Variants in DENND2B observed in about 807,000 individuals in gnomAD.
The protein encoded by DENND2B is DENN domain-containing protein 2B.
Under a neutral mutation model 116.0 loss-of-function variants are expected in DENND2B, and 32 were observed. That is an observed-to-expected ratio of 0.28 (90% CI 0.21 to 0.37). DENND2B has a LOEUF of 0.37. Among genes scored for constraint, DENND2B ranks in the 10% least tolerant of loss-of-function variants. The pLI, the probability that DENND2B is intolerant of heterozygous loss-of-function variation, is 1.00. For missense variants in DENND2B, 1,276 were observed against 1,477.7 expected, an observed-to-expected ratio of 0.86 and a Z score of 2.24; for synonymous variants, 588 against 583.9, an observed-to-expected ratio of 1.01 and a Z score of -0.10.
At chr11:8,699,666 C>A (rs752338958) in intron 14 of DENND2B, among the ~76,000 whole-genome samples, 12 of 152,278 alleles carry the variant, frequency 7.9e-5, no homozygotes, top group Middle Eastern at 3.4e-3. Context: ...TGGAAAAGGG[C>A]TGTCTCGGGT....
intron 1 of DENND2B, among the ~76,000 whole-genome samples, chr11:8,751,249 G>A (rs2052407671): frequency 6.6e-6 from 1 of 152,100 alleles, no homozygotes. Flanking sequence ...TTTCTGTCTA[G>A]CTCAGGGTTT....
At chr11:8,742,892 CT>C (rs1234463744) in intron 2 of DENND2B, among the ~76,000 whole-genome samples, 1 of 151,986 alleles carries the variant, frequency 6.6e-6, no homozygotes, top group Non-Finnish European at 1.5e-5. Context: ...TGGAGAAACC[CT>C]GTCTCTACTA....
At chr11:8,695,633 A>C in intron 18 of DENND2B, 84 bp from the exon 19 acceptor site, 1 of 1,156,760 alleles carries the variant, frequency 8.6e-7, no homozygotes, top group Admixed American at 2.0e-5. Flanking sequence ...ACCATGGAGC[A>C]CAGATGCCAA....
intron 2 of DENND2B, among the ~76,000 whole-genome samples, chr11:8,870,467 CTTTG>C (rs953639301): frequency 3.9e-5 from 6 of 151,914 alleles, no homozygotes; most frequent in East Asian, 1.9e-4. Context: ...GTTAATTTTC[CTTTG>C]TTTGAGTTCC....
chr11:8,734,640 T>A (rs746221298), intron 2 of DENND2B, among the ~76,000 whole-genome samples: 7 of 151,636 alleles, frequency 4.6e-5, no homozygotes, highest in Admixed American at 6.6e-5. Context: ...ATAACAAAAA[T>A]TAGCTGGGCG....
intron 4 of DENND2B, among the ~76,000 whole-genome samples, chr11:8,830,126 A>G (rs2062145723): frequency 6.6e-6 from 1 of 152,132 alleles, no homozygotes; most frequent in Admixed American, 6.5e-5. Context: ...TCATCGATCT[A>G]CAGGAGAGAT....
chr11:8,869,855 G>T (rs2063716139), intron 2 of DENND2B, among the ~76,000 whole-genome samples: 1 of 151,954 alleles, frequency 6.6e-6, no homozygotes, highest in African/African-American at 2.4e-5. Flanking sequence ...GATAGGCTGT[G>T]AACAATTCAG....
At chr11:8,903,149 C>T (rs1176666259) in intron 1 of DENND2B, among the ~76,000 whole-genome samples, 1 of 152,210 alleles carries the variant, frequency 6.6e-6, no homozygotes, top group East Asian at 1.9e-4. Context: ...TGAGCCACCA[C>T]ACCTGGCCAT....
intron 3 of DENND2B, among the ~76,000 whole-genome samples, chr11:8,856,800 C>CTAGA (rs927204484): frequency 2.0e-5 from 3 of 150,912 alleles, no homozygotes; most frequent in Non-Finnish European, 2.9e-5. Flanking sequence ...GTCACCCAGG[C>CTAGA]TAGAGTGCAG....
chr11:8,844,115 A>G (rs927405576), intron 3 of DENND2B, among the ~76,000 whole-genome samples: 1 of 152,224 alleles, frequency 6.6e-6, no homozygotes, highest in African/African-American at 2.4e-5. Context: ...ATAAATATTT[A>G]CAGGCCTGGC....
chr11:8,815,186 C>T (rs1015002989), upstream of DENND2B, among the ~76,000 whole-genome samples: 4 of 152,042 alleles, frequency 2.6e-5, no homozygotes, highest in Non-Finnish European at 4.4e-5. Flanking sequence ...CCTCCTCTCC[C>T]CTCCATGGTG....
At chr11:8,900,967 T>C (rs1365669368) in intron 1 of DENND2B, among the ~76,000 whole-genome samples, 1 of 151,404 alleles carries the variant, frequency 6.6e-6, no homozygotes, top group Non-Finnish European at 1.5e-5. Context: ...GAAACCTTGG[T>C]CTTGAACTCC....
chr11:8,702,917 G>C lies in DENND2B; in HGVS notation c.2572-197C>G, dbSNP rs536124905. 3.0e-6 allele frequency: 2 copies of C among 675,470 alleles called. No individual in the cohort carries two copies. Among genetic ancestry groups the C allele is most frequent in the East Asian group, 5.8e-5 (2 of 34,616 alleles). 41.8% of individuals were successfully genotyped at this position (675,470 alleles called of 1,614,324 possible). On this transcript the variant is annotated intron_variant, in intron 13 of 19. Coordinates refer to ENST00000313726, the MANE Select transcript of DENND2B (RefSeq NM_213618.2). This position sits in a 1 kb window ranked among gnomAD's most constrained non-coding sequence, Gnocchi z 4.6. Reference sequence around the variant, plus strand: ...TGCTCTCGTAGCACTCGAACACCCAGCCTGTGGGCAAGAGGGCTGCCTGTG... The same window carrying C: ...TGCTCTCGTAGCACTCGAACACCCACCCTGTGGGCAAGAGGGCTGCCTGTG...
chr11:8,815,099 C>A (rs2061522590), upstream of DENND2B, among the ~76,000 whole-genome samples: 3 of 152,002 alleles, frequency 2.0e-5, no homozygotes, highest in African/African-American at 7.3e-5. Context: ...CGGGTCATTG[C>A]CAGACCACTG....
chr11:8,824,537 T>C (rs1230055710), intron 4 of DENND2B, among the ~76,000 whole-genome samples: 1 of 151,386 alleles, frequency 6.6e-6, no homozygotes, highest in Non-Finnish European at 1.5e-5. Context: ...GATTTCATTC[T>C]TTTTTTATGG....
intron 4 of DENND2B, among the ~76,000 whole-genome samples, chr11:8,828,784 C>G (rs1437888625): frequency 6.6e-6 from 1 of 152,134 alleles, no homozygotes; most frequent in Non-Finnish European, 1.5e-5. Flanking sequence ...GCGGTCATGT[C>G]TGAGTTTACC....
chr11:8,903,429 G>A (rs2064195173), intron 1 of DENND2B, among the ~76,000 whole-genome samples: 1 of 137,880 alleles, frequency 7.3e-6, no homozygotes, highest in Non-Finnish European at 1.6e-5. Flanking sequence ...GAAAAAAAAA[G>A]GATATTACAA....
At chr11:8,694,644 G>A in intron 19 of DENND2B, 1 of 456,298 alleles carries the variant, frequency 2.2e-6, no homozygotes, top group Non-Finnish European at 4.4e-6. Context: ...TGGGTTCCAT[G>A]TTTATAGATT....
intron 3 of DENND2B, among the ~76,000 whole-genome samples, chr11:8,843,179 G>T (rs978500117): frequency 3.3e-5 from 5 of 152,124 alleles, no homozygotes; most frequent in Admixed American, 6.5e-5. Context: ...ACCACGCCTG[G>T]CTAATTTTTG....
Sources: gnomAD v4.1 joint callset for allele counts (sites outside exome capture counted in the v4.1 genomes callset) on GRCh38, gnomAD v4.1.1 for gene constraint, Gnocchi (gnomAD v3.1) non-coding constraint, MANE v1.5 for transcripts, NCBI Gene and HGNC (gene_info 2026-07-23, HGNC 2026-07-21) for gene names.